The following SLC66A3 variants were observed in gnomAD, a reference collection of about 807,000 sequenced individuals.
SLC66A3 encodes the protein PQ loop repeat containing 3.
A neutral mutation model predicts 25.5 loss-of-function variants in SLC66A3; 23 were observed. That is an observed-to-expected ratio of 0.90 (90% CI 0.65 to 1.28). The LOEUF is 1.28. Among genes scored for constraint, SLC66A3 ranks in the 50% most tolerant of loss-of-function variants. The probability of loss-of-function intolerance (pLI) is 0.00; values close to 1 mark genes in which losing one functional copy is unlikely to be tolerated. For missense variants in SLC66A3, 246 were observed against 262.1 expected (o/e 0.94, Z 0.42); for synonymous variants, 108 against 112.6 (o/e 0.96, Z 0.26).
intron 4 of SLC66A3, 50 bp from the exon 5 acceptor site, chr2:11,171,875 C>T (rs1280921845): frequency 6.2e-7 from 1 of 1,606,386 alleles, no homozygotes; most frequent in African/African-American, 1.3e-5. Context: ...GCCTCTTTTG[C>T]TTTTTTAACA....
chr2:11,174,045 TC>T (rs1187991424), intron 5 of SLC66A3, among the ~76,000 whole-genome samples: 1 of 151,880 alleles, frequency 6.6e-6, no homozygotes, highest in African/African-American at 2.4e-5. Flanking sequence ...ACCTCAGCCT[TC>T]CGGTTTCAAG....
At chr2:11,164,345 A>ATATATATATTTT in intron 4 of SLC66A3, 84 bp downstream of exon 4, 19 of 92,796 alleles carry the variant, frequency 2.0e-4, no homozygotes, top group Admixed American at 3.2e-4. Context: ...ATATATATAT[A>ATATATATATTTT]TTTTTTTTTT....
chr2:11,177,278 G>A (rs1170809501), intron 6 of SLC66A3, among the ~76,000 whole-genome samples: 6 of 152,076 alleles, frequency 3.9e-5, no homozygotes, highest in Non-Finnish European at 8.8e-5. Flanking sequence ...TGGGCAACAT[G>A]GTGAAACCCT....
At chr2:11,175,122 T>C in intron 6 of SLC66A3, 113 bp downstream of exon 6, 2 of 751,718 alleles carry the variant, frequency 2.7e-6, no homozygotes, top group South Asian at 4.0e-5. Flanking sequence ...GGATTATAGA[T>C]TTAGAAGATG....
intron 4 of SLC66A3, among the ~76,000 whole-genome samples, chr2:11,165,952 C>T (rs1662325779): frequency 6.6e-6 from 1 of 152,218 alleles, no homozygotes; most frequent in South Asian, 2.1e-4. Flanking sequence ...TTGCAGTGAG[C>T]CGAGATGGCG....
intron 1 of SLC66A3, among the ~76,000 whole-genome samples, chr2:11,157,356 C>T (rs538021478): frequency 2.8e-4 from 43 of 152,342 alleles, no homozygotes; most frequent in African/African-American, 9.4e-4. Context: ...GGGGCTCTGT[C>T]GGGGCTGGTG....
intron 4 of SLC66A3, among the ~76,000 whole-genome samples, chr2:11,167,726 AG>A (rs1662393804): frequency 6.6e-6 from 1 of 152,086 alleles, no homozygotes; most frequent in Admixed American, 6.6e-5. Flanking sequence ...CCCAGATCTG[AG>A]GGTCGTGGAG....
rs1246726909 is a variant in SLC66A3 at position 11,174,963 on chromosome 2, T to C, written c.476-5T>C. ...TTACTTATTGCTGCAAGTTTTCTTT[T>C]ACAGCAAGAATAATCACAACCTTAA... On this transcript the variant is annotated splice_region_variant and splice_polypyrimidine_tract_variant and intron_variant, in intron 5 of 6. Coordinates refer to ENST00000295083, the MANE Select transcript of SLC66A3 (RefSeq NM_152391.5). The C allele has an allele frequency of 6.2e-7, 1 of 1,606,712 alleles. No individual in the cohort carries two copies. The highest frequency in any genetic ancestry group is 1.7e-5 in the Admixed American group (1 of 58,774).
At chr2:11,176,395 T>A (rs901701941) in intron 6 of SLC66A3, among the ~76,000 whole-genome samples, 3 of 152,106 alleles carry the variant, frequency 2.0e-5, no homozygotes, top group African/African-American at 7.2e-5. Context: ...TTTGTATTTT[T>A]AGTAGAGATG....
rs1051698842 is a variant in SLC66A3 at position 11,165,329 on chromosome 2, C to T, written c.354+1068C>T. ...TGGGCGGCGGGGCAGAGGCGCTCCC[C>T]ACATCTCAGACGATGGGCGACCGGG... is the stretch of plus-strand genomic sequence containing the variant. On this transcript the variant is annotated intron_variant, in intron 4 of 6. Transcript: ENST00000295083. Among the ~76,000 whole-genome samples, 12 of 150,656 alleles carry T rather than the reference C, an allele frequency of 8.0e-5. No individual in the cohort carries two copies. The East Asian group carries it at 1.7e-3, about 22-fold the overall frequency.
intron 6 of SLC66A3, among the ~76,000 whole-genome samples, chr2:11,177,217 T>C (rs775214524): frequency 2.0e-5 from 3 of 152,134 alleles, no homozygotes; most frequent in Non-Finnish European, 2.9e-5. Context: ...CCCAGCACTT[T>C]GGGAGGCCAA....
At chr2:11,166,231 A>T (rs1347430660) in intron 4 of SLC66A3, among the ~76,000 whole-genome samples, 2 of 152,218 alleles carry the variant, frequency 1.3e-5, no homozygotes, top group Non-Finnish European at 2.9e-5. Context: ...TCTTAGGTTC[A>T]TAATGGCATG....
At chr2:11,158,444 C>T (rs990934919) in intron 1 of SLC66A3, among the ~76,000 whole-genome samples, 3 of 152,216 alleles carry the variant, frequency 2.0e-5, no homozygotes, top group Non-Finnish European at 2.9e-5. Context: ...CGGCGGATCA[C>T]GAGGTCAGGA....
At chr2:11,168,515 G>A (rs546916120) in intron 4 of SLC66A3, among the ~76,000 whole-genome samples, 18 of 152,242 alleles carry the variant, frequency 1.2e-4, no homozygotes, top group African/African-American at 4.3e-4. Context: ...TGTTTAACAC[G>A]AGTGTGTTGT....
chr2:11,161,193 G>A (rs1662116943), intron 3 of SLC66A3, among the ~76,000 whole-genome samples: 2 of 151,916 alleles, frequency 1.3e-5, no homozygotes, highest in Admixed American at 1.3e-4. Flanking sequence ...TGAGGGTGAG[G>A]CTTCATTTCA....
chr2:11,160,847 C>T (rs1464229880), intron 3 of SLC66A3, 153 bp downstream of exon 3: 7 of 1,253,732 alleles, frequency 5.6e-6, no homozygotes, highest in Non-Finnish European at 7.6e-6. Flanking sequence ...TGTCCATGTA[C>T]ACCAGAGATG....
chr2:11,156,510 T>G (rs994301106), intron 1 of SLC66A3, among the ~76,000 whole-genome samples: 12 of 152,212 alleles, frequency 7.9e-5, no homozygotes, highest in African/African-American at 2.9e-4. Flanking sequence ...AGCCTGGTCC[T>G]CCACACAAGC....
In SLC66A3 at chr2:11,161,493, C is replaced by T. The variant is rs1168997383; in HGVS notation, c.296+799C>T. ...TAAATTTTTTGTAGATACGGGGTCT[C>T]ACTATGTTGCCCAAGTTACAAGATG... On this transcript the variant is annotated intron_variant, in intron 3 of 6. Coordinates refer to ENST00000295083, the MANE Select transcript of SLC66A3 (RefSeq NM_152391.5). Among the ~76,000 whole-genome samples the T allele has an allele frequency of 2.6e-5, 4 of 151,878 alleles. No homozygotes were observed. In the East Asian group the frequency reaches 7.7e-4, roughly 29 times the overall value.
rs1661850192 is a variant in SLC66A3 at position 11,155,470 on chromosome 2, C to T, written c.-77C>T. The T allele has an allele frequency of 2.2e-6, 3 of 1,366,780 alleles. No homozygotes were observed. Among genetic ancestry groups the T allele is most frequent in the South Asian group, 3.2e-5 (2 of 61,662 alleles). The allele number at this position is 1,366,780 out of a possible 1,614,324, so 84.7% of individuals were successfully genotyped here. The stretch of plus-strand genomic sequence containing the variant: ...GGGCGGATCCCGGGAAGGCGGAAGG[C>T]TTCGGCAGAGCTGCGCCGCCGAGGC... On this transcript the variant is annotated 5_prime_UTR_variant, in exon 1 of 7. Transcript: ENST00000295083.
Sources: gnomAD v4.1 joint callset for allele counts (sites outside exome capture counted in the v4.1 genomes callset) on GRCh38, gnomAD v4.1.1 for gene constraint, MANE v1.5 for transcripts, NCBI Gene and HGNC (gene_info 2026-07-23, HGNC 2026-07-21) for gene names.